The following PRKN variants were observed in gnomAD, a reference collection of about 807,000 sequenced individuals.
The protein encoded by PRKN is E3 ubiquitin-protein ligase parkin.
Under a neutral mutation model 59.5 loss-of-function variants are expected in PRKN, and 56 were observed. That is an observed-to-expected ratio of 0.94 (90% CI 0.76 to 1.18). The LOEUF (loss-of-function observed/expected upper bound fraction) is 1.18. Among genes scored for constraint, PRKN ranks in the 50% most tolerant of loss-of-function variants. The probability of loss-of-function intolerance (pLI) is 0.00; values close to 1 mark genes in which losing one functional copy is unlikely to be tolerated. For missense variants in PRKN, 657 were observed against 596.4 expected (o/e 1.10, Z -1.06); for synonymous variants, 250 against 222.1 (o/e 1.13, Z -1.12).
At chr6:162,637,251 C>T (rs928051102) in intron 1 of PRKN, among the ~76,000 whole-genome samples, 2 of 147,654 alleles carry the variant, frequency 1.4e-5, no homozygotes, top group South Asian at 4.5e-4. Context: ...TGCAAGACTC[C>T]GTCTGCCACC....
intron 8 of PRKN, among the ~76,000 whole-genome samples, chr6:161,568,327 C>A (rs1177453724): frequency 8.5e-5 from 13 of 152,234 alleles, no homozygotes; most frequent in Non-Finnish European, 1.9e-4. Context: ...GGCGTGATGG[C>A]TCACGCCTGT....
chr6:162,085,535 G>C (rs1174444613), intron 4 of PRKN, among the ~76,000 whole-genome samples: 1 of 152,060 alleles, frequency 6.6e-6, no homozygotes, highest in East Asian at 1.9e-4. Context: ...AGGACATAAA[G>C]AGCAGATATT....
chr6:162,710,339 C>G (rs1215595252), intron 1 of PRKN, among the ~76,000 whole-genome samples: 1 of 149,670 alleles, frequency 6.7e-6, no homozygotes, highest in African/African-American at 2.5e-5. Context: ...ATCTCCCTAT[C>G]CCCAGGGGAC....
At chr6:162,339,399 C>A (rs1473197134) in intron 2 of PRKN, among the ~76,000 whole-genome samples, 1 of 147,882 alleles carries the variant, frequency 6.8e-6, no homozygotes, top group African/African-American at 2.5e-5. Context: ...GGGGGGTCAG[C>A]CCCCCGCCCG....
chr6:162,238,448 T>C (rs943666407), intron 3 of PRKN, among the ~76,000 whole-genome samples: 8 of 152,256 alleles, frequency 5.3e-5, no homozygotes, highest in African/African-American at 1.7e-4. Flanking sequence ...CACGTGACTA[T>C]ACATAAATAT....
At chr6:161,934,510 G>A (rs1779283526) in intron 6 of PRKN, among the ~76,000 whole-genome samples, 1 of 152,132 alleles carries the variant, frequency 6.6e-6, no homozygotes, top group East Asian at 1.9e-4. Flanking sequence ...AATGTCCAGT[G>A]AAAGCAAATT....
intron 6 of PRKN, among the ~76,000 whole-genome samples, chr6:161,920,785 T>C (rs1272923918): frequency 1.6e-5 from 2 of 128,706 alleles, no homozygotes; most frequent in East Asian, 2.2e-4. Context: ...TGAGACTGTC[T>C]AAAAAAAAAA....
At chr6:162,364,871 C>A (rs546326624) in intron 2 of PRKN, among the ~76,000 whole-genome samples, 1 of 151,832 alleles carries the variant, frequency 6.6e-6, no homozygotes, top group South Asian at 2.1e-4. Context: ...TTGTAGAATA[C>A]AATCTAATAC....
intron 3 of PRKN, among the ~76,000 whole-genome samples, chr6:162,244,857 A>G (rs1779136433): frequency 6.6e-6 from 1 of 152,102 alleles, no homozygotes; most frequent in Non-Finnish European, 1.5e-5. Flanking sequence ...AATATCTTTT[A>G]GCTATGACAG....
chr6:161,917,441 A>C (rs560069365), intron 6 of PRKN, among the ~76,000 whole-genome samples: 112 of 152,052 alleles, frequency 7.4e-4, no homozygotes, highest in Non-Finnish European at 1.3e-3. Context: ...TCTGCCATAT[A>C]TTTTGGATTC....
chr6:162,671,801 TA>T (rs1451252627), intron 1 of PRKN, among the ~76,000 whole-genome samples: 3 of 151,706 alleles, frequency 2.0e-5, no homozygotes, highest in Non-Finnish European at 4.4e-5. Flanking sequence ...ACAAAAATAT[TA>T]AAATATTAAA....
intron 1 of PRKN, among the ~76,000 whole-genome samples, chr6:162,526,264 G>A (rs1012658138): frequency 1.3e-5 from 1 of 79,772 alleles, no homozygotes; most frequent in South Asian, 6.1e-4. Context: ...CCTCCACAAG[G>A]CTAAGGGAAA....
intron 4 of PRKN, among the ~76,000 whole-genome samples, chr6:162,078,209 A>AC (rs553516075): frequency 2.2e-4 from 33 of 151,984 alleles, no homozygotes; most frequent in African/African-American, 8.0e-4. Context: ...AAGAAATTCA[A>AC]CGTTCTCTCA....
intron 2 of PRKN, among the ~76,000 whole-genome samples, chr6:162,303,672 C>A (rs536362591): frequency 9.2e-5 from 14 of 152,256 alleles, no homozygotes; most frequent in Middle Eastern, 6.8e-3. Flanking sequence ...GGTCAAAATT[C>A]ATCTCTACTT....
At chr6:161,910,250 T>TTTTG (rs1006091158) in intron 6 of PRKN, among the ~76,000 whole-genome samples, 2 of 152,070 alleles carry the variant, frequency 1.3e-5, no homozygotes, top group Admixed American at 6.6e-5. Context: ...ACAGAGGATT[T>TTTTG]TTTGTTTGTT....
At chr6:161,607,272 C>T (rs556588214) in intron 7 of PRKN, among the ~76,000 whole-genome samples, 1 of 152,144 alleles carries the variant, frequency 6.6e-6, no homozygotes, top group South Asian at 2.1e-4. Context: ...CACACGGTTT[C>T]CAATCAGTTT....
At chr6:162,438,602 AT>A (rs1197117342) in intron 2 of PRKN, among the ~76,000 whole-genome samples, 1 of 152,184 alleles carries the variant, frequency 6.6e-6, no homozygotes, top group South Asian at 2.1e-4. Flanking sequence ...TTTGAAAAAC[AT>A]TGTGCCACTT....
At chr6:161,351,330 A>T (rs1248232487) in intron 11 of PRKN, among the ~76,000 whole-genome samples, 8 of 144,944 alleles carry the variant, frequency 5.5e-5, no homozygotes, top group East Asian at 4.0e-4. Context: ...TATTATTTCT[A>T]TTTTTTTTTT....
intron 4 of PRKN, among the ~76,000 whole-genome samples, chr6:162,151,504 C>T (rs961711315): frequency 6.6e-6 from 1 of 152,160 alleles, no homozygotes; most frequent in Non-Finnish European, 1.5e-5. Flanking sequence ...GTCATCTTTT[C>T]CTCTTCTTAT....
Sources: gnomAD v4.1 joint callset for allele counts (sites outside exome capture counted in the v4.1 genomes callset) on GRCh38, gnomAD v4.1.1 for gene constraint, MANE v1.5 for transcripts, NCBI Gene and HGNC (gene_info 2026-07-23, HGNC 2026-07-21) for gene names.